CHSY3: variants seen among roughly 807,000 people sequenced by gnomAD.
CHSY3 encodes N-acetylgalactosaminyl-proteoglycan 3-beta-glucuronosyltransferase 3.
CHSY3 carries 35 observed loss-of-function variants against 67.2 expected under a neutral mutation model. That is an observed-to-expected ratio of 0.52 (90% CI 0.40 to 0.69). The LOEUF (loss-of-function observed/expected upper bound fraction) is 0.69. CHSY3 is among the 30% of genes least tolerant of loss of function. The pLI is 0.00. For missense variants in CHSY3, 1,069 were observed against 1,138.5 expected (o/e 0.94, Z 0.88); for synonymous variants, 474 against 434.7 (o/e 1.09, Z -1.12).
At chr5:130,124,668 G>A (rs1768203946) in intron 2 of CHSY3, among the ~76,000 whole-genome samples, 1 of 152,020 alleles carries the variant, frequency 6.6e-6, no homozygotes, top group South Asian at 2.1e-4. Context: ...TGTTGCCCAA[G>A]GCTGATTTCG....
chr5:130,151,874 A>G (rs1769241301), intron 2 of CHSY3, among the ~76,000 whole-genome samples: 1 of 152,160 alleles, frequency 6.6e-6, no homozygotes. Flanking sequence ...AACCCAAACC[A>G]TATTAGCTGT....
chr5:129,950,125 G>A (rs909984754), intron 2 of CHSY3, among the ~76,000 whole-genome samples: 4 of 148,122 alleles, frequency 2.7e-5, no homozygotes, highest in African/African-American at 5.0e-5. Context: ...CTGAGATTGC[G>A]CCACTGCACT....
chr5:130,048,708 C>G (rs1327581563), intron 2 of CHSY3, among the ~76,000 whole-genome samples: 1 of 151,882 alleles, frequency 6.6e-6, no homozygotes, highest in Non-Finnish European at 1.5e-5. Flanking sequence ...CTTATTTATT[C>G]TTGTTATGTA....
chr5:130,051,642 C>T (rs1765361744), intron 2 of CHSY3, among the ~76,000 whole-genome samples: 1 of 151,758 alleles, frequency 6.6e-6, no homozygotes, highest in Non-Finnish European at 1.5e-5. Context: ...AGTGATAAGC[C>T]AGAATCAGAC....
intron 2 of CHSY3, among the ~76,000 whole-genome samples, chr5:130,169,781 G>A (rs940503138): frequency 4.0e-5 from 6 of 151,574 alleles, no homozygotes; most frequent in Non-Finnish European, 7.4e-5. Context: ...ATTTGAAAGC[G>A]TTCAAAACTG....
chr5:130,013,385 C>T (rs1270215489), intron 2 of CHSY3, among the ~76,000 whole-genome samples: 1 of 152,202 alleles, frequency 6.6e-6, no homozygotes, highest in Non-Finnish European at 1.5e-5. Context: ...CCCCACATTT[C>T]CCTTCTACAC....
Position 130,125,073 on chromosome 5 carries a change from G to A in CHSY3, c.1087-59156G>A, listed in dbSNP as rs73785901. Among the ~76,000 whole-genome samples the A allele has an allele frequency of 7.7e-3, 1,167 of 152,248 alleles. 14 individuals are homozygous for A. The highest frequency in any genetic ancestry group is 0.027 in the African/African-American group (1,113 of 41,540). Reference sequence around the variant, plus strand: ...ATGGGGGAGAATTGCTTGAGCTCGGGAGTTCTCGAACTCCTGCAGAGATTA... The same window carrying A: ...ATGGGGGAGAATTGCTTGAGCTCGGAAGTTCTCGAACTCCTGCAGAGATTA... On this transcript the variant is annotated intron_variant, in intron 2 of 2. Transcript: ENST00000305031.
chr5:129,941,967 T>C (rs13168872), intron 2 of CHSY3, among the ~76,000 whole-genome samples: 49,149 of 152,020 alleles, frequency 0.32, 8,184 homozygotes, highest in South Asian at 0.46. Flanking sequence ...TAAAGGACAC[T>C]GCAAAGGATA....
intron 2 of CHSY3, among the ~76,000 whole-genome samples, chr5:129,972,789 T>G (rs1476131067): frequency 6.6e-6 from 1 of 152,106 alleles, no homozygotes; most frequent in African/African-American, 2.4e-5. Context: ...TTCAAATATC[T>G]AATTCTGACA....
At chr5:130,152,061 G>A (rs1174628844) in intron 2 of CHSY3, among the ~76,000 whole-genome samples, 1 of 152,202 alleles carries the variant, frequency 6.6e-6, no homozygotes, top group Non-Finnish European at 1.5e-5. Flanking sequence ...GGAGACACCT[G>A]CATCAGAATC....
intron 2 of CHSY3, among the ~76,000 whole-genome samples, chr5:130,124,039 C>CAAAAAAAAAA (rs11297427): frequency 4.1e-4 from 24 of 58,226 alleles, no homozygotes; most frequent in Admixed American, 4.9e-4. Flanking sequence ...GACTCCATCT[C>CAAAAAAAAAA]AAAAAAAAAA....
chr5:130,051,615 A>G (rs1765360956), intron 2 of CHSY3, among the ~76,000 whole-genome samples: 1 of 152,118 alleles, frequency 6.6e-6, no homozygotes, highest in Admixed American at 6.6e-5. Context: ...TGTGAGGAGG[A>G]CAAGCTTCAT....
At chr5:130,018,394 C>T (rs971653888) in intron 2 of CHSY3, among the ~76,000 whole-genome samples, 1 of 152,002 alleles carries the variant, frequency 6.6e-6, no homozygotes, top group African/African-American at 2.4e-5. Flanking sequence ...TTACAATCAC[C>T]CCTGCATCTC....
chr5:129,905,835 C>T, intron 1 of CHSY3: 2 of 1,136,250 alleles, frequency 1.8e-6, no homozygotes, highest in Non-Finnish European at 2.4e-6. Flanking sequence ...CTGGACCCTC[C>T]TCACACCTGC....
At chr5:129,929,470 A>C (rs1313543647) in intron 2 of CHSY3, among the ~76,000 whole-genome samples, 1 of 152,068 alleles carries the variant, frequency 6.6e-6, no homozygotes, top group Admixed American at 6.5e-5. Context: ...CACATGGGAC[A>C]TGGGCACACA....
intron 2 of CHSY3, among the ~76,000 whole-genome samples, chr5:130,121,921 C>T (rs2149709168): frequency 6.6e-6 from 1 of 152,028 alleles, no homozygotes; most frequent in East Asian, 1.9e-4. Flanking sequence ...GCTGAGTGAT[C>T]CTGGACATGT....
chr5:130,059,844 A>G (rs1372464222), intron 2 of CHSY3, among the ~76,000 whole-genome samples: 24 of 152,220 alleles, frequency 1.6e-4, no homozygotes, highest in Non-Finnish European at 7.3e-5. Flanking sequence ...CATATATGCC[A>G]GATGAACTTT....
intron 2 of CHSY3, among the ~76,000 whole-genome samples, chr5:129,954,880 T>TA (rs1762126101): frequency 1.3e-5 from 2 of 152,012 alleles, no homozygotes; most frequent in African/African-American, 2.4e-5. Context: ...TATATATATA[T>TA]TTTTTTGAGA....
intron 2 of CHSY3, among the ~76,000 whole-genome samples, chr5:130,023,177 A>G (rs572311399): frequency 6.6e-6 from 1 of 151,974 alleles, no homozygotes; most frequent in East Asian, 1.9e-4. Flanking sequence ...AAAAATCTAT[A>G]CAGATGAGTG....
Sources: allele counts gnomAD v4.1 joint callset (sites outside exome capture counted in the v4.1 genomes callset), GRCh38; gene constraint gnomAD v4.1.1; transcripts MANE v1.5; gene names NCBI Gene and HGNC (gene_info 2026-07-23, HGNC 2026-07-21).